Variants in MTUS2 observed in about 807,000 individuals in gnomAD.
MTUS2 encodes the protein microtubule-associated tumor suppressor candidate 2.
In MTUS2, 40 loss-of-function variants were observed where a neutral mutation model predicts 114.1. The ratio of observed to expected loss-of-function variants is 0.35; its 90% CI spans 0.27 to 0.46. The LOEUF (loss-of-function observed/expected upper bound fraction) is 0.46, where lower values mean the gene tolerates loss of function less well. Ranked by LOEUF, MTUS2 falls within the 20% of genes least tolerant of loss-of-function variation. The probability of loss-of-function intolerance (pLI) is 1.00; values close to 1 mark genes in which losing one functional copy is unlikely to be tolerated. For missense variants in MTUS2, 1,679 were observed against 1,705.4 expected (o/e 0.98, Z 0.27); for synonymous variants, 688 against 672.0 (o/e 1.02, Z -0.37).
intron 5 of MTUS2, among the ~76,000 whole-genome samples, chr13:29,114,476 A>G (rs1234843768): frequency 6.6e-6 from 1 of 152,244 alleles, no homozygotes; most frequent in African/African-American, 2.4e-5. Context: ...TTTGTTCAAG[A>G]TACCTTCATA....
chr13:28,910,945 G>T (rs1430905679), intron 2 of MTUS2, among the ~76,000 whole-genome samples: 1 of 129,272 alleles, frequency 7.7e-6, no homozygotes, highest in Non-Finnish European at 1.5e-5. Flanking sequence ...GCGTGATCTC[G>T]GCTCAGTGCA....
intron 10 of MTUS2, chr13:29,485,451 A>G (rs1479709449): frequency 6.6e-6 from 1 of 152,266 alleles, no homozygotes; most frequent in East Asian, 1.9e-4. Flanking sequence ...AACCTGAATT[A>G]CTAAAGAGCG....
chr13:29,050,799 G>T (rs1267148777), intron 4 of MTUS2, among the ~76,000 whole-genome samples: 1 of 152,192 alleles, frequency 6.6e-6, no homozygotes, highest in Non-Finnish European at 1.5e-5. Context: ...AGGTCTTCCT[G>T]TCTAGCTGTT....
At chr13:29,027,593 C>A (rs1593396789) in intron 3 of MTUS2, among the ~76,000 whole-genome samples, 1 of 152,062 alleles carries the variant, frequency 6.6e-6, no homozygotes, top group Admixed American at 6.5e-5. Flanking sequence ...GCTCTGTCGC[C>A]CAGGCTTGAG....
intron 5 of MTUS2, among the ~76,000 whole-genome samples, chr13:29,265,879 G>A (rs1212150717): frequency 6.6e-6 from 1 of 152,144 alleles, no homozygotes; most frequent in African/African-American, 2.4e-5. Flanking sequence ...ATTTCAACAT[G>A]AGATTTGGTG....
intron 10 of MTUS2, among the ~76,000 whole-genome samples, chr13:29,485,801 C>T (rs1881568329): frequency 6.6e-6 from 1 of 152,098 alleles, no homozygotes; most frequent in Non-Finnish European, 1.5e-5. Flanking sequence ...TTCCATCTGT[C>T]TGTCTTTTCT....
intron 4 of MTUS2, among the ~76,000 whole-genome samples, chr13:29,036,687 G>A (rs979024082): frequency 2.0e-5 from 3 of 152,178 alleles, no homozygotes; most frequent in South Asian, 4.1e-4. Flanking sequence ...GAATCTGGGT[G>A]CTCCTGTATT....
intron 5 of MTUS2, among the ~76,000 whole-genome samples, chr13:29,266,846 AAGT>A (rs1209950989): frequency 1.3e-5 from 2 of 152,216 alleles, no homozygotes; most frequent in Non-Finnish European, 2.9e-5. Flanking sequence ...TGTATGAAGT[AAGT>A]AGGACAGGAA....
intron 8 of MTUS2, among the ~76,000 whole-genome samples, chr13:29,429,558 A>G (rs2138633684): frequency 6.6e-6 from 1 of 152,362 alleles, no homozygotes; most frequent in East Asian, 1.9e-4. Flanking sequence ...AGCAATTCCA[A>G]CACAAAGCCT....
chr13:29,445,596 G>A (rs1023285231), intron 9 of MTUS2, among the ~76,000 whole-genome samples: 3 of 152,262 alleles, frequency 2.0e-5, no homozygotes, highest in African/African-American at 7.2e-5. Context: ...GAAGCCCGTT[G>A]AATCATGTTC....
At chr13:29,289,323 G>T (rs1359266252) in intron 6 of MTUS2, among the ~76,000 whole-genome samples, 1 of 152,216 alleles carries the variant, frequency 6.6e-6, no homozygotes, top group African/African-American at 2.4e-5. Context: ...CTTAGCCACT[G>T]GACTTGGGAC....
chr13:29,277,499 T>A (rs1317791256), intron 5 of MTUS2, among the ~76,000 whole-genome samples: 1 of 152,222 alleles, frequency 6.6e-6, no homozygotes, highest in African/African-American at 2.4e-5. Flanking sequence ...AGGTTTAGTA[T>A]ACCAGGACTG....
chr13:29,213,229 T>G (rs1895527600), intron 5 of MTUS2, among the ~76,000 whole-genome samples: 1 of 152,240 alleles, frequency 6.6e-6, no homozygotes. Flanking sequence ...TTGAATCCTT[T>G]TAAATTTATC....
intron 2 of MTUS2, among the ~76,000 whole-genome samples, chr13:28,886,854 T>C (rs1878621412): frequency 6.6e-6 from 1 of 152,238 alleles, no homozygotes. Context: ...TGCAGAATGA[T>C]GGCCATGGGC....
intron 9 of MTUS2, among the ~76,000 whole-genome samples, chr13:29,447,918 C>T (rs1463644267): frequency 6.6e-6 from 1 of 152,136 alleles, no homozygotes; most frequent in African/African-American, 2.4e-5. Context: ...GAACACCACA[C>T]TCCAAATTTC....
intron 5 of MTUS2, among the ~76,000 whole-genome samples, chr13:29,260,813 G>A (rs1467865986): frequency 6.6e-6 from 1 of 152,198 alleles, no homozygotes; most frequent in Non-Finnish European, 1.5e-5. Flanking sequence ...ATTTGACAAA[G>A]TCTAGAGACA....
chr13:29,405,947 G>T (rs1245123049), intron 8 of MTUS2, among the ~76,000 whole-genome samples: 1 of 151,858 alleles, frequency 6.6e-6, no homozygotes, highest in African/African-American at 2.4e-5. Flanking sequence ...CACCATGTTG[G>T]CCAGGCTGGT....
chr13:29,371,619 T>A (rs1322425903), intron 8 of MTUS2, among the ~76,000 whole-genome samples: 1 of 152,210 alleles, frequency 6.6e-6, no homozygotes, highest in Non-Finnish European at 1.5e-5. Flanking sequence ...TCATAAAATG[T>A]TTCTGAAAAA....
chr13:29,283,744 A>C (rs927569570), intron 6 of MTUS2, among the ~76,000 whole-genome samples: 2 of 152,198 alleles, frequency 1.3e-5, no homozygotes, highest in African/African-American at 4.8e-5. Context: ...CCACTTGTAG[A>C]AAAATGGGTT....
Sources: gnomAD v4.1 joint callset for allele counts (sites outside exome capture counted in the v4.1 genomes callset) on GRCh38, gnomAD v4.1.1 for gene constraint, MANE v1.5 for transcripts, NCBI Gene and HGNC (gene_info 2026-07-23, HGNC 2026-07-21) for gene names.